The following NRG1 variants were observed in gnomAD, a reference collection of about 807,000 sequenced individuals.
NRG1 encodes the protein neuregulin 1, also known as pro-neuregulin-1, membrane-bound isoform.
NRG1 carries 18 observed loss-of-function variants against 63.8 expected under a neutral mutation model. The ratio of observed to expected loss-of-function variants is 0.28; its 90% CI spans 0.19 to 0.42. NRG1 has a LOEUF of 0.42. NRG1 is among the 10% of genes least tolerant of loss of function. The probability of loss-of-function intolerance (pLI) is 1.00; values close to 1 mark genes in which losing one functional copy is unlikely to be tolerated. For synonymous variants in NRG1, 302 were observed against 301.3 expected, an observed-to-expected ratio of 1.00 and a Z score of -0.02; for missense variants, 762 against 814.7, an observed-to-expected ratio of 0.94 and a Z score of 0.79.
chr8:32,286,481 C>T (rs1464466468), intron 1 of NRG1, among the ~76,000 whole-genome samples: 1 of 152,188 alleles, frequency 6.6e-6, no homozygotes, highest in Non-Finnish European at 1.5e-5. Context: ...CATGATGAAA[C>T]TTGATCCCTA....
intron 1 of NRG1, among the ~76,000 whole-genome samples, chr8:31,730,760 AC>A (rs1156596980): frequency 6.6e-6 from 1 of 152,154 alleles, no homozygotes; most frequent in Non-Finnish European, 1.5e-5. Flanking sequence ...TTAGGCAAAA[AC>A]CAAGAAGAAA....
At chr8:32,712,909 T>C (rs1490752460) in intron 5 of NRG1, among the ~76,000 whole-genome samples, 1 of 152,144 alleles carries the variant, frequency 6.6e-6, no homozygotes, top group Non-Finnish European at 1.5e-5. Context: ...AAAATTTTAT[T>C]AATTCAGCTA....
At chr8:31,814,115 C>T (rs1354520431) in intron 1 of NRG1, among the ~76,000 whole-genome samples, 1 of 152,178 alleles carries the variant, frequency 6.6e-6, no homozygotes, top group Admixed American at 6.6e-5. Flanking sequence ...GAGCCAGGAA[C>T]TATGACATGG....
intron 9 of NRG1, among the ~76,000 whole-genome samples, chr8:32,758,796 A>C (rs1282303132): frequency 1.3e-5 from 2 of 152,138 alleles, no homozygotes; most frequent in South Asian, 4.1e-4. Flanking sequence ...GTAGGGCAAC[A>C]TGGGCACTAG....
intron 1 of NRG1, among the ~76,000 whole-genome samples, chr8:32,460,059 G>T (rs954354503): frequency 6.6e-6 from 1 of 152,120 alleles, no homozygotes; most frequent in Non-Finnish European, 1.5e-5. Flanking sequence ...TGCCACTCCT[G>T]CCCCTGAAAT....
intron 1 of NRG1, among the ~76,000 whole-genome samples, chr8:31,955,151 G>T (rs1443636614): frequency 6.6e-6 from 1 of 151,924 alleles, no homozygotes; most frequent in East Asian, 1.9e-4. Flanking sequence ...ATTAAAATTG[G>T]CATTATTAAA....
chr8:31,703,422 G>A (rs1287826052), intron 1 of NRG1, among the ~76,000 whole-genome samples: 2 of 151,874 alleles, frequency 1.3e-5, no homozygotes, highest in African/African-American at 4.8e-5. Context: ...ATAAATTAAA[G>A]CTCACTTAAA....
chr8:32,669,762 G>A (rs723811), intron 5 of NRG1, among the ~76,000 whole-genome samples: 121,587 of 152,148 alleles, frequency 0.8, 50,000 homozygotes, highest in East Asian at 1. Flanking sequence ...TTGCCTGATG[G>A]TATATGCTAA....
intron 1 of NRG1, among the ~76,000 whole-genome samples, chr8:31,898,432 C>G (rs747627459): frequency 6.6e-6 from 1 of 152,056 alleles, no homozygotes; most frequent in Non-Finnish European, 1.5e-5. Flanking sequence ...AACTGAGGCT[C>G]AAAAAGACTA....
chr8:32,740,421 C>T (rs1333210081), intron 6 of NRG1, among the ~76,000 whole-genome samples: 2 of 152,064 alleles, frequency 1.3e-5, no homozygotes, highest in African/African-American at 4.8e-5. Context: ...GTCTCAAACA[C>T]CTGACCTTGT....
intron 1 of NRG1, among the ~76,000 whole-genome samples, chr8:32,275,254 C>A (rs1283959337): frequency 6.6e-6 from 1 of 152,172 alleles, no homozygotes; most frequent in Non-Finnish European, 1.5e-5. Flanking sequence ...GATTTACTAA[C>A]AACCTACTTT....
At chr8:31,928,874 A>G (rs1032221444) in intron 1 of NRG1, among the ~76,000 whole-genome samples, 16 of 152,256 alleles carry the variant, frequency 1.1e-4, no homozygotes, top group African/African-American at 3.8e-4. Flanking sequence ...AGAAGCGGGG[A>G]GGCTGGGAGT....
intron 1 of NRG1, among the ~76,000 whole-genome samples, chr8:31,822,764 GTTAGATGAA>G (rs147253592): frequency 3.3e-3 from 507 of 152,262 alleles, no homozygotes; most frequent in African/African-American, 0.012. Context: ...ATGCAGGGGT[GTTAGATGAA>G]GGTGTATTGT....
intron 5 of NRG1, chr8:32,647,074 G>T (rs1853726048): frequency 3.0e-6 from 3 of 985,352 alleles, no homozygotes; most frequent in Non-Finnish European, 3.6e-6. Flanking sequence ...GGGAGTGACC[G>T]CCCCTCCTGG....
intron 1 of NRG1, among the ~76,000 whole-genome samples, chr8:32,311,453 G>A (rs1856795315): frequency 6.6e-6 from 1 of 152,152 alleles, no homozygotes; most frequent in Non-Finnish European, 1.5e-5. Context: ...TGGGCACGGA[G>A]TGTCTGAGTT....
At chr8:32,117,376 C>T (rs1447156950) in intron 1 of NRG1, among the ~76,000 whole-genome samples, 2 of 151,964 alleles carry the variant, frequency 1.3e-5, no homozygotes, top group Admixed American at 6.6e-5. Context: ...TGGTTGTTGT[C>T]GAATTTACTT....
At chr8:31,699,229 C>T (rs1404676233) in intron 1 of NRG1, among the ~76,000 whole-genome samples, 1 of 151,936 alleles carries the variant, frequency 6.6e-6, no homozygotes, top group Non-Finnish European at 1.5e-5. Context: ...ATTCTCAGAA[C>T]AAGTCAAGAT....
At chr8:31,759,529 AG>A (rs1038830068) in intron 1 of NRG1, among the ~76,000 whole-genome samples, 1 of 152,110 alleles carries the variant, frequency 6.6e-6, no homozygotes, top group African/African-American at 2.4e-5. Context: ...CTTTTACAAA[AG>A]CCATAAGTCA....
chr8:32,620,621 G>A lies in NRG1; in HGVS notation c.502+3736G>A, dbSNP rs149259538. Among the ~76,000 whole-genome samples the A allele has an allele frequency of 2.7e-3, 404 of 151,626 alleles. 1 individual carries two copies. The highest frequency in any genetic ancestry group is 9.1e-3 in the African/African-American group (376 of 41,294). On this transcript the variant is annotated intron_variant, in intron 5 of 11. Transcript: ENST00000356819. ...GAGGATAGCTTGACACCAGGAGTTC[G>A]AGACTAGTCTGGGCAACACATTGAG...
Sources: allele counts gnomAD v4.1 joint callset (sites outside exome capture counted in the v4.1 genomes callset), GRCh38; gene constraint gnomAD v4.1.1; transcripts MANE v1.5; gene names NCBI Gene and HGNC (gene_info 2026-07-23, HGNC 2026-07-21).